KDM4C: variants seen among roughly 807,000 people sequenced by gnomAD.
KDM4C encodes the protein lysine demethylase 4C, also known as lysine-specific demethylase 4C.
A neutral mutation model predicts 129.3 loss-of-function variants in KDM4C; 81 were observed. The observed-to-expected ratio is 0.63, with a 90% confidence interval of 0.52 to 0.75. The LOEUF is 0.75. Among genes scored for constraint, KDM4C ranks in the 30% least tolerant of loss-of-function variants. KDM4C has a pLI of 0.00. For missense variants in KDM4C, 1,457 were observed against 1,304.0 expected (o/e 1.12, Z -1.81); for synonymous variants, 573 against 456.1 (o/e 1.26, Z -3.26).
intron 5 of KDM4C, among the ~76,000 whole-genome samples, chr9:6,866,415 G>A (rs1301261000): frequency 6.6e-6 from 1 of 152,200 alleles, no homozygotes; most frequent in African/African-American, 2.4e-5. Flanking sequence ...TCCAAAGGGT[G>A]TGAGAGGGCT....
chr9:6,988,186 GA>G (rs1818077926), intron 11 of KDM4C, among the ~76,000 whole-genome samples: 5 of 114,708 alleles, frequency 4.4e-5, no homozygotes, highest in South Asian at 2.8e-4. Context: ...AAAAAAAAAG[GA>G]AAAAAAATTT....
chr9:6,830,642 G>C (rs765057537), intron 4 of KDM4C, among the ~76,000 whole-genome samples: 1 of 152,190 alleles, frequency 6.6e-6, no homozygotes, highest in Non-Finnish European at 1.5e-5. Flanking sequence ...ATATTTAGGA[G>C]AATTATTGTT....
At chr9:7,007,037 C>T (rs1187493583) in intron 12 of KDM4C, among the ~76,000 whole-genome samples, 1 of 152,206 alleles carries the variant, frequency 6.6e-6, no homozygotes, top group East Asian at 1.9e-4. Flanking sequence ...CAGGTTTCTT[C>T]AGTACATTGA....
At chr9:6,829,292 A>G (rs1834401497) in intron 4 of KDM4C, among the ~76,000 whole-genome samples, 1 of 152,202 alleles carries the variant, frequency 6.6e-6, no homozygotes, top group Non-Finnish European at 1.5e-5. Flanking sequence ...ATGGTGAGCA[A>G]TGTGAGGGAT....
At chr9:6,907,919 A>G (rs892809572) in intron 8 of KDM4C, among the ~76,000 whole-genome samples, 1 of 152,224 alleles carries the variant, frequency 6.6e-6, no homozygotes, top group African/African-American at 2.4e-5. Flanking sequence ...ATATTAACAT[A>G]TTAAATTTTC....
rs568310745 is a variant in KDM4C, at chr9:7,099,764, GA to G, written c.2425-3919del. ...TCTGTTCTTGTCATCAGCCTTGCCA[GA>G]ACTGTCCTGTCAGAGATACCCACTA... On this transcript the variant is annotated intron_variant, in intron 17 of 21. Coordinates refer to ENST00000381309, the MANE Select transcript of KDM4C (RefSeq NM_015061.6). Among the ~76,000 whole-genome samples the G allele has an allele frequency of 2.0e-5, 3 of 152,316 alleles. No homozygotes were observed. In the South Asian group the frequency reaches 6.2e-4, roughly 32 times the overall value.
rs555362894 is a variant in KDM4C at position 6,818,147 on chromosome 9, C to T, written c.435+3402C>T. On this transcript the variant is annotated intron_variant, in intron 4 of 21. Transcript: ENST00000381309. ...ATATATGCATGCCTGTGATTGCATG[C>T]GTGTTCATGTTTACCACCAAAGAGT... 1.6e-4 allele frequency among the ~76,000 whole-genome samples: 25 copies of T among 152,206 alleles called. No homozygotes were observed. In the South Asian group the frequency reaches 3.7e-3, roughly 23 times the overall value.
intron 15 of KDM4C, among the ~76,000 whole-genome samples, chr9:7,045,145 A>G (rs1829207027): frequency 6.6e-6 from 1 of 152,010 alleles, no homozygotes. Flanking sequence ...CTCTTGTTAG[A>G]TTAGTGCTCT....
chr9:6,754,286 C>A (rs1263166174), upstream of KDM4C, among the ~76,000 whole-genome samples: 1 of 151,758 alleles, frequency 6.6e-6, no homozygotes, highest in African/African-American at 2.4e-5. Context: ...TATCTTAGCT[C>A]ACTGCAACCT....
intron 8 of KDM4C, among the ~76,000 whole-genome samples, chr9:6,967,955 A>C (rs1198040468): frequency 1.3e-5 from 2 of 152,166 alleles, no homozygotes; most frequent in African/African-American, 4.8e-5. Context: ...ATAGTTTCTC[A>C]TGGGATACGA....
chr9:7,067,511 G>C (rs529746206), intron 17 of KDM4C, among the ~76,000 whole-genome samples: 1 of 152,310 alleles, frequency 6.6e-6, no homozygotes, highest in Admixed American at 6.5e-5. Flanking sequence ...ATCAGCCTGA[G>C]ACATACAAGG....
chr9:6,985,486 G>C (rs969082036), intron 10 of KDM4C, among the ~76,000 whole-genome samples: 5 of 152,180 alleles, frequency 3.3e-5, no homozygotes, highest in African/African-American at 9.7e-5. Context: ...GATTGCATAG[G>C]ATGTTGCTGG....
At chr9:7,169,660 T>C (rs887163690) in intron 20 of KDM4C, 138 bp from the exon 21 acceptor site, 12 of 667,744 alleles carry the variant, frequency 1.8e-5, no homozygotes, top group Non-Finnish European at 3.0e-5. Flanking sequence ...TAACTCTTCT[T>C]ACTTCCTTGG....
intron 8 of KDM4C, among the ~76,000 whole-genome samples, chr9:6,957,060 C>T (rs1030789275): frequency 6.6e-6 from 1 of 152,138 alleles, no homozygotes; most frequent in East Asian, 1.9e-4. Context: ...TGACCCACTT[C>T]ATAGTGGGGC....
intron 17 of KDM4C, 132 bp downstream of exon 17, chr9:7,049,332 T>C: frequency 2.0e-6 from 1 of 496,366 alleles, no homozygotes; most frequent in Non-Finnish European, 3.6e-6. Context: ...CTTATTTTCC[T>C]TTAGCCTAAA....
intron 15 of KDM4C, among the ~76,000 whole-genome samples, chr9:7,022,835 G>C (rs555339531): frequency 3.9e-5 from 6 of 151,952 alleles, no homozygotes; most frequent in African/African-American, 1.4e-4. Context: ...TCTGTACCCA[G>C]TTTTTTGAGG....
intron 1 of KDM4C, chr9:6,748,917 A>C (rs1817977292): frequency 1.1e-6 from 1 of 932,690 alleles, no homozygotes; most frequent in African/African-American, 1.6e-5. Flanking sequence ...TAAGTATCTG[A>C]AGATGAGGTT....
At chr9:6,772,550 A>T (rs1453722009) in intron 1 of KDM4C, among the ~76,000 whole-genome samples, 1 of 152,084 alleles carries the variant, frequency 6.6e-6, no homozygotes, top group East Asian at 1.9e-4. Flanking sequence ...TAGTAGAGAC[A>T]GGGTTTATCC....
At chr9:6,957,694 G>A (rs1829316384) in intron 8 of KDM4C, among the ~76,000 whole-genome samples, 1 of 152,044 alleles carries the variant, frequency 6.6e-6, no homozygotes, top group African/African-American at 2.4e-5. Context: ...AGTGGGTCTG[G>A]GTGTTCATGT....
Sources: allele counts gnomAD v4.1 joint callset (sites outside exome capture counted in the v4.1 genomes callset), GRCh38; gene constraint gnomAD v4.1.1; transcripts MANE v1.5; gene names NCBI Gene and HGNC (gene_info 2026-07-23, HGNC 2026-07-21).